The following C1QTNF9 variants were observed in gnomAD, a reference collection of about 807,000 sequenced individuals.
The protein encoded by C1QTNF9 is complement C1q and tumor necrosis factor-related protein 9A.
A neutral mutation model predicts 10.1 loss-of-function variants in C1QTNF9; 6 were observed. The observed-to-expected ratio is 0.59, with a 90% CI of 0.32 to 1.17. The LOEUF is 1.17. Ranked by LOEUF, C1QTNF9 falls within the 50% of genes most tolerant of loss-of-function variation. The pLI, the probability that C1QTNF9 is intolerant of heterozygous loss-of-function variation, is 0.04. For missense variants in C1QTNF9, 201 were observed against 418.8 expected, an observed-to-expected ratio of 0.48 and a Z score of 4.54; for synonymous variants, 98 against 163.5, an observed-to-expected ratio of 0.60 and a Z score of 3.06.
chr13:24,311,965 G>A (rs1230543756), intron 1 of C1QTNF9, among the ~76,000 whole-genome samples: 2 of 152,144 alleles, frequency 1.3e-5, no homozygotes, highest in African/African-American at 4.8e-5. Context: ...CATCCCCATG[G>A]CCCGTAATCT....
chr13:24,313,407 C>T (rs1877908623), intron 1 of C1QTNF9, among the ~76,000 whole-genome samples: 1 of 152,184 alleles, frequency 6.6e-6, no homozygotes, highest in Admixed American at 6.5e-5. Context: ...TTGTACTCCA[C>T]ATTTTGAAAA....
chr13:24,312,731 C>T (rs1341173195), intron 1 of C1QTNF9, among the ~76,000 whole-genome samples: 3 of 151,622 alleles, frequency 2.0e-5, no homozygotes, highest in African/African-American at 2.4e-5. Flanking sequence ...CCGAGGTGGG[C>T]GAATCACAAG....
intron 2 of C1QTNF9, among the ~76,000 whole-genome samples, chr13:24,316,836 C>A (rs372221797): frequency 6.6e-6 from 1 of 152,164 alleles, no homozygotes; most frequent in Non-Finnish European, 1.5e-5. Context: ...ACTTGGTTTC[C>A]GAATGGGGTA....
upstream of C1QTNF9, among the ~76,000 whole-genome samples, chr13:24,308,435 T>G (rs1163416733): frequency 6.6e-6 from 1 of 150,562 alleles, no homozygotes; most frequent in Non-Finnish European, 1.5e-5. Context: ...CCACCAAGAG[T>G]GGGGGCAGGC....
intron 3 of C1QTNF9, among the ~76,000 whole-genome samples, chr13:24,319,137 C>T (rs1205162406): frequency 1.3e-5 from 2 of 152,138 alleles, no homozygotes; most frequent in Non-Finnish European, 2.9e-5. Flanking sequence ...TGTAGATGCT[C>T]CATAAATAAG....
intron 1 of C1QTNF9, among the ~76,000 whole-genome samples, chr13:24,311,432 G>A (rs1877817537): frequency 6.6e-6 from 1 of 152,242 alleles, no homozygotes; most frequent in Non-Finnish European, 1.5e-5. Flanking sequence ...GGCTCATGCG[G>A]TCACAGCATT....
chr13:24,312,768 A>G (rs777287919), intron 1 of C1QTNF9, among the ~76,000 whole-genome samples: 10 of 151,962 alleles, frequency 6.6e-5, no homozygotes, highest in Non-Finnish European at 1.5e-4. Context: ...CATCCTGGCT[A>G]ACATGGTGAA....
exon 4 of C1QTNF9, chr13:24,321,868 A>T: frequency 1.4e-6 from 2 of 1,392,960 alleles, no homozygotes; most frequent in South Asian, 3.8e-5. Flanking sequence ...AATTATTACA[A>T]TAATCATAAA....
At chr13:24,308,986 T>A (rs1480276083), upstream of C1QTNF9, among the ~76,000 whole-genome samples, 1 of 152,098 alleles carries the variant, frequency 6.6e-6, no homozygotes, top group African/African-American at 2.4e-5. Context: ...AATCCTTACC[T>A]ACACAAATGC....
chr13:24,316,299 C>T (rs1878035498), intron 2 of C1QTNF9, 130 bp downstream of exon 2: 4 of 1,358,014 alleles, frequency 2.9e-6, no homozygotes, highest in Non-Finnish European at 4.0e-6. Context: ...ATCAACCCAG[C>T]AACACTCACT....
upstream of C1QTNF9, among the ~76,000 whole-genome samples, chr13:24,308,973 C>T (rs1414396768): frequency 6.6e-6 from 1 of 152,130 alleles, no homozygotes; most frequent in Non-Finnish European, 1.5e-5. Flanking sequence ...GGAATGGACA[C>T]TGAATCCTTA....
chr13:24,320,357 C>T lies in C1QTNF9; in HGVS notation c.230-639C>T, dbSNP rs142576534. On this transcript the variant is annotated intron_variant, in intron 3 of 3. Transcript: ENST00000332018. ...ATGTGTGTGTGTCCATGTGCACACACGTGTGTAATTGGAGTAATTGATTTT... is the reference window on the plus strand; with the variant it reads ...ATGTGTGTGTGTCCATGTGCACACATGTGTGTAATTGGAGTAATTGATTTT... Among the ~76,000 whole-genome samples the T allele has an allele frequency of 2.8e-3, 430 of 152,168 alleles. 3 individuals carry two copies. Among genetic ancestry groups the T allele is most frequent in the African/African-American group, 0.01 (420 of 41,516 alleles).
intron 1 of C1QTNF9, among the ~76,000 whole-genome samples, chr13:24,311,687 C>A (rs563771011): frequency 6.6e-6 from 1 of 152,338 alleles, no homozygotes; most frequent in African/African-American, 2.4e-5. Context: ...GTGGGCTCAG[C>A]TGTGTGTCAA....
chr13:24,310,349 G>C (rs1005642835), intron 1 of C1QTNF9, among the ~76,000 whole-genome samples: 2 of 142,782 alleles, frequency 1.4e-5, no homozygotes, highest in Non-Finnish European at 3.0e-5. Context: ...ATTTTTAGTA[G>C]AAACGGGGTT....
intron 1 of C1QTNF9, among the ~76,000 whole-genome samples, chr13:24,312,471 T>C (rs577181851): frequency 5.3e-5 from 8 of 152,128 alleles, no homozygotes; most frequent in African/African-American, 1.9e-4. Flanking sequence ...AAGTCAAGAG[T>C]GTAACTGTAG....
At chr13:24,307,836 G>A (rs1338922610), upstream of C1QTNF9, among the ~76,000 whole-genome samples, 1 of 152,254 alleles carries the variant, frequency 6.6e-6, no homozygotes, top group African/African-American at 2.4e-5. Flanking sequence ...CAGCAAAGCT[G>A]GAGTGAACCC....
chr13:24,316,209 C>G, intron 2 of C1QTNF9, 40 bp downstream of exon 2: 1 of 1,509,026 alleles, frequency 6.6e-7, no homozygotes. Context: ...CAACTTCTCT[C>G]TTCATTCCTT....
chr13:24,308,296 C>T (rs1877676925), upstream of C1QTNF9, among the ~76,000 whole-genome samples: 1 of 152,292 alleles, frequency 6.6e-6, no homozygotes, highest in Admixed American at 6.5e-5. Flanking sequence ...GTCGGGGACC[C>T]GTCGCGCGTT....
intron 2 of C1QTNF9, among the ~76,000 whole-genome samples, chr13:24,318,041 G>T (rs536311339): frequency 6.6e-6 from 1 of 152,248 alleles, no homozygotes; most frequent in Admixed American, 6.5e-5. Context: ...TGCCCCTGTC[G>T]CCCCACAGCC....
Sources: gnomAD v4.1 joint callset for allele counts (sites outside exome capture counted in the v4.1 genomes callset) on GRCh38, gnomAD v4.1.1 for gene constraint, MANE v1.5 for transcripts, NCBI Gene and HGNC (gene_info 2026-07-23, HGNC 2026-07-21) for gene names.